Variants in GRM8 observed in about 807,000 individuals in gnomAD.
GRM8 encodes the protein metabotropic glutamate receptor 8.
GRM8 carries 47 observed loss-of-function variants against 87.2 expected under a neutral mutation model. The ratio of observed to expected loss-of-function variants is 0.54; its 90% CI spans 0.43 to 0.69. The LOEUF is 0.69. GRM8 is among the 30% of genes least tolerant of loss of function. GRM8 has a pLI of 0.00. For missense variants in GRM8, 1,019 were observed against 1,139.2 expected (o/e 0.89, Z 1.52); for synonymous variants, 396 against 404.5 (o/e 0.98, Z 0.25).
At chr7:126,992,789 C>T (rs528588655) in intron 3 of GRM8, among the ~76,000 whole-genome samples, 11 of 151,172 alleles carry the variant, frequency 7.3e-5, no homozygotes, top group Admixed American at 4.6e-4. Context: ...CACCAGAGAG[C>T]GTGCCATCTC....
chr7:127,134,983 G>A (rs1361221396), intron 2 of GRM8, among the ~76,000 whole-genome samples: 4 of 151,708 alleles, frequency 2.6e-5, no homozygotes, highest in African/African-American at 4.8e-5. Context: ...AAATATAATA[G>A]GCAAAAAGAT....
chr7:127,243,751 A>G (rs1438268123), intron 1 of GRM8, among the ~76,000 whole-genome samples: 1 of 152,094 alleles, frequency 6.6e-6, no homozygotes, highest in East Asian at 1.9e-4. Context: ...ATTCTCCCAA[A>G]CCAGAAAGCA....
intron 6 of GRM8, among the ~76,000 whole-genome samples, chr7:126,775,238 C>A (rs570164329): frequency 2.0e-4 from 30 of 152,072 alleles, no homozygotes; most frequent in Non-Finnish European, 4.1e-4. Context: ...AATTTGTGAA[C>A]CTGCTATGAA....
intron 3 of GRM8, among the ~76,000 whole-genome samples, chr7:126,972,037 T>C (rs545022693): frequency 1.3e-5 from 2 of 152,326 alleles, no homozygotes; most frequent in Non-Finnish European, 2.9e-5. Context: ...CAGGTCACTG[T>C]AGCCGAATAA....
intron 3 of GRM8, among the ~76,000 whole-genome samples, chr7:127,003,065 A>G (rs1813887004): frequency 6.6e-6 from 1 of 151,662 alleles, no homozygotes; most frequent in Admixed American, 6.6e-5. Flanking sequence ...TCTGCCAGGG[A>G]CACTTAACTT....
intron 9 of GRM8, among the ~76,000 whole-genome samples, chr7:126,492,066 T>G (rs570903682): frequency 3.3e-5 from 5 of 152,132 alleles, no homozygotes; most frequent in African/African-American, 9.6e-5. Flanking sequence ...ATAACTTTTA[T>G]TTTTCTTTGA....
intron 9 of GRM8, among the ~76,000 whole-genome samples, 178 bp downstream of exon 9, chr7:126,532,774 T>G (rs1161233254): frequency 2.6e-4 from 2 of 7,728 alleles, no homozygotes; most frequent in Non-Finnish European, 4.9e-4. Context: ...GATATATATA[T>G]ATATATATAT....
intron 7 of GRM8, among the ~76,000 whole-genome samples, chr7:126,689,562 G>A (rs1373369974): frequency 1.3e-5 from 2 of 152,082 alleles, no homozygotes; most frequent in Non-Finnish European, 2.9e-5. Context: ...CTAGATAACT[G>A]AAGACTGCCA....
intron 3 of GRM8, among the ~76,000 whole-genome samples, chr7:127,079,054 T>C (rs908198282): frequency 2.6e-5 from 4 of 152,208 alleles, no homozygotes; most frequent in Non-Finnish European, 5.9e-5. Context: ...CCATGATATA[T>C]AAGCATAATT....
Position 126,515,769 on chromosome 7 carries a change from C to A in GRM8, c.2430+17183G>T, listed in dbSNP as rs56205885. 6.3e-3 allele frequency among the ~76,000 whole-genome samples: 955 copies of A among 152,200 alleles called. 5 individuals are homozygous for A. The highest frequency in any genetic ancestry group is 0.022 in the African/African-American group (918 of 41,540). On this transcript the variant is annotated intron_variant, in intron 9 of 10. Coordinates refer to ENST00000339582, the MANE Select transcript of GRM8 (RefSeq NM_000845.3). ...ACTCTTCTGCCTCCCTCTTCCATAT[C>A]TGAGACACAACCGGATAATTTAGGA...
At chr7:126,546,094 ATT>A (rs1164737097) in intron 8 of GRM8, among the ~76,000 whole-genome samples, 1 of 152,212 alleles carries the variant, frequency 6.6e-6, no homozygotes, top group Non-Finnish European at 1.5e-5. Context: ...GCTATTTTAT[ATT>A]AGTAAACAAA....
At chr7:126,972,536 T>C (rs1810533594) in intron 3 of GRM8, among the ~76,000 whole-genome samples, 1 of 152,194 alleles carries the variant, frequency 6.6e-6, no homozygotes. Context: ...CTTTATTTTT[T>C]CAACTAAATT....
chr7:126,923,885 T>G (rs1804808422), intron 3 of GRM8, among the ~76,000 whole-genome samples: 1 of 152,204 alleles, frequency 6.6e-6, no homozygotes, highest in African/African-American at 2.4e-5. Flanking sequence ...AAGTCTGAAC[T>G]AACCCATTCA....
chr7:126,588,898 A>G (rs1796412651), intron 8 of GRM8, among the ~76,000 whole-genome samples: 1 of 152,150 alleles, frequency 6.6e-6, no homozygotes, highest in East Asian at 1.9e-4. Flanking sequence ...GACCCTACCT[A>G]GAACTGAGAC....
intron 3 of GRM8, among the ~76,000 whole-genome samples, chr7:127,023,724 T>G (rs1816497389): frequency 6.6e-6 from 1 of 152,052 alleles, no homozygotes; most frequent in Non-Finnish European, 1.5e-5. Context: ...CCCAAAAATC[T>G]CCTTGGCTGA....
chr7:127,020,066 A>G (rs758808863), intron 3 of GRM8, among the ~76,000 whole-genome samples: 6 of 152,128 alleles, frequency 3.9e-5, no homozygotes, highest in Non-Finnish European at 8.8e-5. Flanking sequence ...GTGAGTTTCT[A>G]CTTAAATTCT....
chr7:126,533,392 C>T lies in GRM8; in HGVS notation c.1990G>A (p.Ala664Thr). Residue 664 changes from alanine (A) to threonine (T), a missense_variant, in exon 9 of 11, where the codon GCA becomes ACA. Ala to Thr is a moderately conservative substitution (Grantham distance 58, BLOSUM62 0). Transcript: ENST00000339582. ...FLGLGMCFSY[A>T]ALLTKTNRIH... ...CGGTTTGTTTTGGTCAGAAGGGCTG[C>T]ATAGCTGAAACACATGCCAAGTCCT... 6.2e-7 allele frequency: 1 copy of T among 1,613,990 alleles called. No individual in the cohort carries two copies. The highest frequency in any genetic ancestry group is 8.5e-7 in the Non-Finnish European group (1 of 1,179,982).
Position 126,851,452 on chromosome 7 carries a change from C to T in GRM8, c.1156+51090G>A, listed in dbSNP as rs189341103. ...CTGTGGAAAACCCTCGAATAAGTTC[C>T]CATCTCAAAGTAAGAGAGCCAAGAG... On this transcript the variant is annotated intron_variant, in intron 6 of 10. Transcript: ENST00000339582. Among the ~76,000 whole-genome samples, 184 of 152,244 alleles carry T rather than the reference C, an allele frequency of 1.2e-3. 1 individual carries two copies. Among genetic ancestry groups the T allele is most frequent in the African/African-American group, 4.3e-3 (179 of 41,530 alleles).
intron 3 of GRM8, among the ~76,000 whole-genome samples, chr7:127,041,785 A>C (rs534009947): frequency 2.0e-5 from 3 of 152,344 alleles, no homozygotes; most frequent in East Asian, 3.9e-4. Context: ...TGGTTTATGC[A>C]AATGAACGAT....
Sources: allele counts gnomAD v4.1 joint callset (sites outside exome capture counted in the v4.1 genomes callset), GRCh38; gene constraint gnomAD v4.1.1; transcripts MANE v1.5; gene names NCBI Gene and HGNC (gene_info 2026-07-23, HGNC 2026-07-21).